SORCS1: variants seen among roughly 807,000 people sequenced by gnomAD.
SORCS1 encodes sortilin related VPS10 domain containing receptor 1.
In SORCS1, 60 loss-of-function variants were observed where a neutral mutation model predicts 146.1. The ratio of observed to expected loss-of-function variants is 0.41; its 90% CI spans 0.33 to 0.51. SORCS1 has a LOEUF of 0.51. Ranked by LOEUF, SORCS1 falls within the 20% of genes least tolerant of loss-of-function variation. The probability of loss-of-function intolerance (pLI) is 0.21; values close to 1 mark genes in which losing one functional copy is unlikely to be tolerated. For missense variants in SORCS1, 1,352 were observed against 1,487.6 expected, an observed-to-expected ratio of 0.91 and a Z score of 1.50; for synonymous variants, 637 against 584.0, an observed-to-expected ratio of 1.09 and a Z score of -1.31.
At chr10:107,000,188 A>T (rs1052759165) in intron 1 of SORCS1, among the ~76,000 whole-genome samples, 1 of 152,258 alleles carries the variant, frequency 6.6e-6, no homozygotes, top group African/African-American at 2.4e-5. Flanking sequence ...AAAAACAGAG[A>T]GAAGTTTGTA....
chr10:106,976,254 A>G (rs1384767109), intron 1 of SORCS1, among the ~76,000 whole-genome samples: 1 of 151,290 alleles, frequency 6.6e-6, no homozygotes, highest in Non-Finnish European at 1.5e-5. Flanking sequence ...ACATGTGCAG[A>G]ACATGCAGGT....
intron 1 of SORCS1, among the ~76,000 whole-genome samples, chr10:107,076,432 T>C (rs7901596): frequency 0.082 from 12,537 of 152,208 alleles, 1,627 homozygotes; most frequent in African/African-American, 0.28. Context: ...TTTCTCATAG[T>C]AATCTCTTCT....
intron 9 of SORCS1, among the ~76,000 whole-genome samples, chr10:106,691,060 T>A (rs1458253339): frequency 2.0e-5 from 3 of 152,340 alleles, no homozygotes; most frequent in Middle Eastern, 3.4e-3. Context: ...TACCTGTCTA[T>A]GCATGTAGTA....
At chr10:106,734,177 T>C (rs540763462) in intron 5 of SORCS1, among the ~76,000 whole-genome samples, 1 of 152,326 alleles carries the variant, frequency 6.6e-6, no homozygotes, top group African/African-American at 2.4e-5. Flanking sequence ...ACCTTTACAC[T>C]GCCTTTATGT....
chr10:107,008,404 T>C (rs1957544719), intron 1 of SORCS1, among the ~76,000 whole-genome samples: 1 of 152,204 alleles, frequency 6.6e-6, no homozygotes, highest in Non-Finnish European at 1.5e-5. Context: ...CATGTAAATG[T>C]TATTTAAAAG....
At chr10:106,854,568 G>A (rs1216620813) in intron 2 of SORCS1, among the ~76,000 whole-genome samples, 1 of 149,952 alleles carries the variant, frequency 6.7e-6, no homozygotes, top group Non-Finnish European at 1.5e-5. Context: ...GATTTTAATT[G>A]AGCATTTTAT....
intron 5 of SORCS1, among the ~76,000 whole-genome samples, chr10:106,745,643 C>A (rs780379818): frequency 2.0e-5 from 3 of 152,118 alleles, no homozygotes; most frequent in Non-Finnish European, 2.9e-5. Flanking sequence ...CTTATCCTGC[C>A]AGGAGTTAGA....
chr10:106,637,010 T>C (rs1257169717), intron 18 of SORCS1, among the ~76,000 whole-genome samples: 1 of 152,232 alleles, frequency 6.6e-6, no homozygotes, highest in South Asian at 2.1e-4. Flanking sequence ...GATCCCAGTG[T>C]AATATGCCAG....
rs1351219357 is a variant in SORCS1, at chr10:107,132,862, A to AT, written c.558+31106_558+31107insA. On this transcript the variant is annotated intron_variant, in intron 1 of 25. Coordinates refer to ENST00000263054, the MANE Select transcript of SORCS1 (RefSeq NM_052918.5). ...CCTTCTCATATATTTCAAAAATAAA[A>AT]AAAAATAAAAAACGAGACCTTGTAC... Among the ~76,000 whole-genome samples, 19 of 152,118 alleles carry AT rather than the reference A, an allele frequency of 1.2e-4. No individual in the cohort carries two copies. In the East Asian group the frequency reaches 2.1e-3, roughly 17 times the overall value.
At chr10:107,006,441 C>A (rs184143273) in intron 1 of SORCS1, among the ~76,000 whole-genome samples, 60 of 152,254 alleles carry the variant, frequency 3.9e-4, no homozygotes, top group African/African-American at 1.4e-3. Flanking sequence ...GAAAGAACCC[C>A]AGAAGGGTAA....
chr10:107,159,619 A>T (rs1969555108), intron 1 of SORCS1, among the ~76,000 whole-genome samples: 1 of 152,154 alleles, frequency 6.6e-6, no homozygotes, highest in Non-Finnish European at 1.5e-5. Context: ...GGGGAGACTC[A>T]GGCTCAAAGA....
intron 1 of SORCS1, among the ~76,000 whole-genome samples, chr10:107,123,077 CAAAAAAA>C (rs35115429): frequency 6.3e-5 from 5 of 79,136 alleles, no homozygotes; most frequent in African/African-American, 1.5e-4. Flanking sequence ...GACAAACTGG[CAAAAAAA>C]AAAAAAAAAA....
At chr10:106,748,835 T>A (rs1857938460) in intron 5 of SORCS1, among the ~76,000 whole-genome samples, 1 of 152,154 alleles carries the variant, frequency 6.6e-6, no homozygotes, top group Admixed American at 6.6e-5. Context: ...TCAATATTGA[T>A]TATATTGACT....
At chr10:106,964,722 C>T (rs973819055) in intron 1 of SORCS1, among the ~76,000 whole-genome samples, 8 of 151,860 alleles carry the variant, frequency 5.3e-5, no homozygotes, top group Admixed American at 1.3e-4. Context: ...TCCTGACCTC[C>T]TTATCTGCCT....
chr10:107,038,929 T>C (rs1232164446), intron 1 of SORCS1, among the ~76,000 whole-genome samples: 1 of 151,748 alleles, frequency 6.6e-6, no homozygotes, highest in Non-Finnish European at 1.5e-5. Context: ...TAATGCAAAA[T>C]AAAGAGGAGT....
chr10:106,955,177 C>T (rs1471492031), intron 2 of SORCS1, among the ~76,000 whole-genome samples: 14 of 152,252 alleles, frequency 9.2e-5, no homozygotes, highest in Admixed American at 8.5e-4. Context: ...GGGGCCTAGA[C>T]CTCGGCTCCC....
intron 1 of SORCS1, among the ~76,000 whole-genome samples, chr10:107,106,060 A>G (rs1453344031): frequency 6.6e-6 from 1 of 152,242 alleles, no homozygotes; most frequent in East Asian, 1.9e-4. Context: ...TGGACCTCCC[A>G]GAGCTGATCA....
In SORCS1 at chr10:106,579,481, G is replaced by T; in HGVS notation, c.3266-7C>A. ...GTGAGGTCCACCAGGGGGGCTTGTG[G>T]GGGAAACAGAGCAGAGAAAAATGAG... On this transcript the variant is annotated splice_region_variant and splice_polypyrimidine_tract_variant and intron_variant, in intron 24 of 25. Transcript: ENST00000263054. 1 of 1,613,504 alleles carries T rather than the reference G, an allele frequency of 6.2e-7. No homozygotes were observed. Among genetic ancestry groups the T allele is most frequent in the Non-Finnish European group, 8.5e-7 (1 of 1,179,806 alleles).
chr10:106,807,196 G>A (rs537278809), intron 3 of SORCS1, among the ~76,000 whole-genome samples: 86 of 151,906 alleles, frequency 5.7e-4, no homozygotes, highest in African/African-American at 2.1e-3. Context: ...GAAGGAAGGA[G>A]GAAGGAAGGA....
Sources: gnomAD v4.1 joint callset for allele counts (sites outside exome capture counted in the v4.1 genomes callset) on GRCh38, gnomAD v4.1.1 for gene constraint, MANE v1.5 for transcripts, NCBI Gene and HGNC (gene_info 2026-07-23, HGNC 2026-07-21) for gene names.